ANKS6: variants seen among roughly 807,000 people sequenced by gnomAD.
ANKS6 encodes ankyrin repeat and SAM domain-containing protein 6.
In ANKS6, 47 loss-of-function variants were observed where a neutral mutation model predicts 77.9. The observed-to-expected ratio is 0.60, with a 90% CI of 0.48 to 0.77. The LOEUF is 0.77. Among genes scored for constraint, ANKS6 ranks in the 30% least tolerant of loss-of-function variants. The probability of loss-of-function intolerance (pLI) is 0.00; values close to 1 mark genes in which losing one functional copy is unlikely to be tolerated. For synonymous variants in ANKS6, 488 were observed against 501.7 expected (o/e 0.97, Z 0.37); for missense variants, 1,150 against 1,159.1 (o/e 0.99, Z 0.11).
At chr9:98,759,724 G>A (rs1006703800) in intron 11 of ANKS6, among the ~76,000 whole-genome samples, 1 of 152,192 alleles carries the variant, frequency 6.6e-6, no homozygotes, top group African/African-American at 2.4e-5. Context: ...ATTATGTTAA[G>A]TGAAATAAGC....
At chr9:98,761,070 C>A (rs1314982977) in intron 11 of ANKS6, among the ~76,000 whole-genome samples, 1 of 152,144 alleles carries the variant, frequency 6.6e-6, no homozygotes, top group East Asian at 1.9e-4. Context: ...TAAATATTAG[C>A]CAGTCTGACA....
intron 14 of ANKS6, among the ~76,000 whole-genome samples, chr9:98,742,196 C>T (rs1427395701): frequency 6.6e-6 from 1 of 152,196 alleles, no homozygotes; most frequent in Non-Finnish European, 1.5e-5. Context: ...GTTGGCCAAG[C>T]TTGCGTTGCA....
At chr9:98,771,642 T>C (rs1201596552) in intron 9 of ANKS6, among the ~76,000 whole-genome samples, 1 of 152,212 alleles carries the variant, frequency 6.6e-6, no homozygotes, top group Non-Finnish European at 1.5e-5. Context: ...CCTGCTGATC[T>C]TTTTTGTGCC....
At chr9:98,781,628 T>C (rs1293105606) in intron 5 of ANKS6, among the ~76,000 whole-genome samples, 1 of 152,086 alleles carries the variant, frequency 6.6e-6, no homozygotes, top group Admixed American at 6.6e-5. Flanking sequence ...CAAGTGTGCA[T>C]CTGTGAAGTG....
chr9:98,736,172 T>C lies in ANKS6; in HGVS notation c.*347A>G. The C allele has an allele frequency of 1.7e-6, 2 of 1,165,506 alleles. No individual in the cohort carries two copies. The highest frequency in any genetic ancestry group is 3.6e-5 in the South Asian group (1 of 27,796). 72.2% of individuals were successfully genotyped at this position (1,165,506 alleles called of 1,614,324 possible). A position where few individuals can be genotyped will look rare whatever the true frequency, so the allele number is the denominator to read the frequency against. ...GCAGGTAAGAAGCAGCCGTGCCTTC[T>C]CCATCGTCCCTTTCCCTTGCCGCCA... On this transcript the variant is annotated 3_prime_UTR_variant, in exon 15 of 15. Coordinates refer to ENST00000353234, the MANE Select transcript of ANKS6 (RefSeq NM_173551.5).
At position 98,796,364 on chromosome 9, in the gene ANKS6, G is replaced by A; in HGVS notation, c.128C>T (p.Pro43Leu). ...AAEPAERGAE[P>L]EAGAEPAGAE... The stretch of plus-strand genomic sequence containing the variant: ...CCCCGCCGGCTCCGCGCCCGCCTCC[G>A]GCTCCGCGCCGCGCTCGGCTGGCTC... The change falls in exon 1 of 15, where the codon CCG (proline) becomes CTG (leucine). Residue 43 changes from proline (P) to leucine (L), a missense_variant. Pro to Leu is a moderately conservative substitution (Grantham distance 98). Coordinates refer to ENST00000353234, the MANE Select transcript of ANKS6 (RefSeq NM_173551.5). 5 of 1,080,254 alleles carry A rather than the reference G, an allele frequency of 4.6e-6. No homozygotes were observed. The highest frequency in any genetic ancestry group is 5.6e-6 in the Non-Finnish European group (5 of 892,586). The allele number at this position is 1,080,254 out of a possible 1,614,324, so 66.9% of individuals were successfully genotyped here. A position where few individuals can be genotyped will look rare whatever the true frequency, so the allele number is the denominator to read the frequency against.
At position 98,732,253 on chromosome 9, in the gene ANKS6, T is replaced by C. The variant is rs998955399; in HGVS notation, c.*4266A>G. 2.0e-5 allele frequency: 11 copies of C among 561,518 alleles called. No individual in the cohort carries two copies. The highest frequency in any genetic ancestry group is 9.5e-5 in the Admixed American group (3 of 31,722). 34.8% of individuals were successfully genotyped at this position (561,518 alleles called of 1,614,324 possible). A position where few individuals can be genotyped will look rare whatever the true frequency, so the allele number is the denominator to read the frequency against. On this transcript the variant is annotated 3_prime_UTR_variant, in exon 15 of 15. Coordinates refer to ENST00000353234, the MANE Select transcript of ANKS6 (RefSeq NM_173551.5). The stretch of plus-strand genomic sequence containing the variant: ...AAGTACAGGTCAGCGTTATCCAAAG[T>C]TGTCCAGCCTCCGGCCTGGCCCATG...
At chr9:98,752,514 T>G (rs1832486607) in intron 12 of ANKS6, among the ~76,000 whole-genome samples, 1 of 151,826 alleles carries the variant, frequency 6.6e-6, no homozygotes, top group Non-Finnish European at 1.5e-5. Flanking sequence ...GATGGAGAGG[T>G]CCCTGTCATG....
intron 8 of ANKS6, among the ~76,000 whole-genome samples, chr9:98,776,065 G>T (rs1193519810): frequency 6.6e-6 from 1 of 152,184 alleles, no homozygotes; most frequent in East Asian, 1.9e-4. Flanking sequence ...TAGCGCTAAA[G>T]GGACTCAAGT....
Position 98,778,275 on chromosome 9 carries a change from C to A in ANKS6, c.1518G>T (p.Lys506Asn), listed in dbSNP as rs368164322. 2 of 1,613,792 alleles carry A rather than the reference C, an allele frequency of 1.2e-6. No individual in the cohort carries two copies. The highest frequency in any genetic ancestry group is 1.3e-5 in the African/African-American group (1 of 74,926). The change falls in exon 7 of 15, where the codon AAG becomes AAT. Residue 506 changes from lysine (K) to asparagine (N), a missense_variant. By Grantham distance (94) the Lys-to-Asn change is moderately conservative. Transcript: ENST00000353234. ...CATCAGGGAGTGCAGAGCGGCTTGT[C>A]TTGTCCTGGGGGGCAGCCCTCATTG... The part of the protein sequence containing the change: ...DSTMRAAPQD[K>N]TSRSALPDAA...
chr9:98,790,026 G>A, intron 2 of ANKS6, 78 bp downstream of exon 2: 4 of 1,497,064 alleles, frequency 2.7e-6, no homozygotes, highest in Middle Eastern at 2.3e-4. Flanking sequence ...TGTCCTTCCA[G>A]TAGAGCAATC....
intron 11 of ANKS6, among the ~76,000 whole-genome samples, chr9:98,759,048 ATTTTG>A (rs1417506448): frequency 1.3e-5 from 2 of 151,768 alleles, no homozygotes; most frequent in African/African-American, 2.4e-5. Context: ...TTCCTGGTTG[ATTTTG>A]TTTTTTTTAA....
Position 98,742,995 on chromosome 9 carries a change from T to G in ANKS6, c.2511+2564A>C, listed in dbSNP as rs115697409. Among the ~76,000 whole-genome samples the G allele has an allele frequency of 3.8e-3, 578 of 152,344 alleles. 4 individuals are homozygous for G. The highest frequency in any genetic ancestry group is 0.013 in the African/African-American group (542 of 41,574). On this transcript the variant is annotated intron_variant, in intron 14 of 14. Transcript: ENST00000353234. ...GTTAAGTTTCCTAAGGTTTGCACAC[T>G]AGCCCAGTCTGTCTGCTTTTTGTGA... is the stretch of plus-strand genomic sequence containing the variant.
At chr9:98,746,004 A>G (rs1268268729) in intron 13 of ANKS6, 3 of 328,564 alleles carry the variant, frequency 9.1e-6, no homozygotes, top group Non-Finnish European at 1.7e-5. Context: ...GGTAACTGCA[A>G]TGTTGCTGTA....
At chr9:98,741,072 G>A (rs973889574) in intron 14 of ANKS6, among the ~76,000 whole-genome samples, 3 of 152,154 alleles carry the variant, frequency 2.0e-5, no homozygotes, top group Admixed American at 2.0e-4. Flanking sequence ...GACATCTACT[G>A]TGAGGATTAG....
Position 98,768,127 on chromosome 9 carries a change from G to A in ANKS6, c.2096C>T (p.Ser699Phe). The A allele has an allele frequency of 6.2e-7, 1 of 1,613,118 alleles. No homozygotes were observed. Among genetic ancestry groups the A allele is most frequent in the South Asian group, 1.1e-5 (1 of 90,940 alleles). The change falls in exon 11 of 15, where the codon TCT becomes TTT. Residue 699 changes from serine to phenylalanine, a missense_variant. Ser to Phe is a radical substitution (Grantham distance 155, BLOSUM62 -2). Coordinates refer to ENST00000353234, the MANE Select transcript of ANKS6 (RefSeq NM_173551.5). The part of the protein sequence containing the change: ...PVGPAPGSSP[S>F]ELPASPAGGS... ...ACCTGCAGGGGAGGCTGGAAGCTCA[G>A]ACGGGCTGGACCCCGGTGCTGGCCC...
Position 98,745,687 on chromosome 9 carries a change from G to T in ANKS6, c.2395-12C>A, listed in dbSNP as rs768632416. 25 of 1,605,060 alleles carry T rather than the reference G, an allele frequency of 1.6e-5. No individual in the cohort carries two copies. The Admixed American group carries it at 4.2e-4, about 27-fold the overall frequency. On this transcript the variant is annotated splice_polypyrimidine_tract_variant and intron_variant, in intron 13 of 14. Transcript: ENST00000353234. ...GCTTCCATGTCCACCTGGGGAGAGA[G>T]AGGGGATTTGCCACCATCTGCTGGA...
At chr9:98,764,312 G>A (rs1000818441) in intron 11 of ANKS6, among the ~76,000 whole-genome samples, 4 of 152,152 alleles carry the variant, frequency 2.6e-5, no homozygotes, top group African/African-American at 9.7e-5. Context: ...AACATAATAT[G>A]GAGGGGTACA....
chr9:98,744,997 T>G (rs1371054200), intron 14 of ANKS6, among the ~76,000 whole-genome samples: 4 of 152,152 alleles, frequency 2.6e-5, no homozygotes, highest in African/African-American at 7.2e-5. Context: ...TTCTTTTTTG[T>G]TTTTGGTGTG....
Sources: allele counts gnomAD v4.1 joint callset (sites outside exome capture counted in the v4.1 genomes callset), GRCh38; gene constraint gnomAD v4.1.1; transcripts MANE v1.5; gene names NCBI Gene and HGNC (gene_info 2026-07-23, HGNC 2026-07-21).